Variants in SUV39H2 observed in about 807,000 individuals in gnomAD.
SUV39H2 encodes histone-lysine N-methyltransferase SUV39H2.
A neutral mutation model predicts 47.5 loss-of-function variants in SUV39H2; 10 were observed. The ratio of observed to expected loss-of-function variants is 0.21; its 90% CI spans 0.13 to 0.36. The LOEUF (loss-of-function observed/expected upper bound fraction) is 0.36, where lower values mean the gene tolerates loss of function less well. Among genes scored for constraint, SUV39H2 ranks in the 10% least tolerant of loss-of-function variants. SUV39H2 has a pLI of 1.00. For missense variants in SUV39H2, 266 were observed against 487.4 expected (o/e 0.55, Z 4.28); for synonymous variants, 159 against 166.8 (o/e 0.95, Z 0.36).
At chr10:14,881,077 A>G (rs543537177) in intron 1 of SUV39H2, among the ~76,000 whole-genome samples, 107 of 152,356 alleles carry the variant, frequency 7.0e-4, no homozygotes, top group Middle Eastern at 3.4e-3. Flanking sequence ...GTTTTAAAGT[A>G]TATTTTAGAT....
At chr10:14,879,449 C>G (rs990204249) in intron 1 of SUV39H2, among the ~76,000 whole-genome samples, 1 of 152,354 alleles carries the variant, frequency 6.6e-6, no homozygotes, top group Admixed American at 6.5e-5. Flanking sequence ...GAATCCCCCC[C>G]AAGGCGGACA....
Position 14,883,489 on chromosome 10 carries a change from G to A in SUV39H2, c.177+1844G>A, listed in dbSNP as rs544878639. On this transcript the variant is annotated intron_variant, in intron 2 of 5. Coordinates refer to ENST00000354919, the MANE Select transcript of SUV39H2 (RefSeq NM_001193424.2). ...GGGGGCCAAGGCGGGCAGATCACTCGAGGTCAGGAGTTTGAGACCAGCCTG... is the reference window on the plus strand; with the variant it reads ...GGGGGCCAAGGCGGGCAGATCACTCAAGGTCAGGAGTTTGAGACCAGCCTG... Among the ~76,000 whole-genome samples the A allele has an allele frequency of 1.4e-4, 21 of 151,874 alleles. No homozygotes were observed. In the South Asian group the frequency reaches 1.5e-3, roughly 11 times the overall value.
At chr10:14,901,378 G>A in intron 5 of SUV39H2, 116 bp downstream of exon 5, 1 of 1,387,952 alleles carries the variant, frequency 7.2e-7, no homozygotes. Flanking sequence ...GAAAAGTTGA[G>A]GCACTAAGTT....
intron 2 of SUV39H2, among the ~76,000 whole-genome samples, chr10:14,894,874 A>G (rs1221131570): frequency 6.6e-6 from 1 of 152,202 alleles, no homozygotes; most frequent in East Asian, 1.9e-4. Context: ...TCATTAATGC[A>G]TTATGACTGT....
intron 2 of SUV39H2, among the ~76,000 whole-genome samples, chr10:14,885,753 CTTCTCT>C (rs376759461): frequency 2.0e-4 from 31 of 152,266 alleles, no homozygotes; most frequent in African/African-American, 6.7e-4. Flanking sequence ...TGCCTTTTTT[CTTCTCT>C]TTCTCTTTCT....
chr10:14,889,192 G>A (rs1833308369), intron 2 of SUV39H2, among the ~76,000 whole-genome samples: 1 of 152,056 alleles, frequency 6.6e-6, no homozygotes, highest in African/African-American at 2.4e-5. Context: ...TCAAGAAAAC[G>A]AGAGGGCTAC....
chr10:14,879,609 C>G (rs1221366626), intron 1 of SUV39H2, among the ~76,000 whole-genome samples: 4 of 151,868 alleles, frequency 2.6e-5, no homozygotes, highest in Non-Finnish European at 5.9e-5. Context: ...GAACTGGGCA[C>G]CGAGCGCGCG....
chr10:14,895,345 T>C (rs1833535511), intron 2 of SUV39H2, among the ~76,000 whole-genome samples: 1 of 151,910 alleles, frequency 6.6e-6, no homozygotes, highest in Non-Finnish European at 1.5e-5. Flanking sequence ...CCCGGCTAAT[T>C]TTTTGTATTT....
At position 14,878,939 on chromosome 10, in the gene SUV39H2, C is replaced by T. The variant is rs1832953795; in HGVS notation, c.31+20C>T. 2 of 1,452,338 alleles carry T rather than the reference C, an allele frequency of 1.4e-6. No homozygotes were observed. Among genetic ancestry groups the T allele is most frequent in the Admixed American group, 2.7e-5 (1 of 37,240 alleles). The allele number at this position is 1,452,338 out of a possible 1,614,324, so 90.0% of individuals were successfully genotyped here. On this transcript the variant is annotated intron_variant, in intron 1 of 5. Transcript: ENST00000354919. ...GAGGAGGTGAGGCTGGAGCGCGGCCCCCTCGCCTTCCCTGTTCCCAGGCAA... is the reference window on the plus strand; with the variant it reads ...GAGGAGGTGAGGCTGGAGCGCGGCCTCCTCGCCTTCCCTGTTCCCAGGCAA...
chr10:14,882,586 T>A (rs1833071676), intron 2 of SUV39H2, among the ~76,000 whole-genome samples: 1 of 152,192 alleles, frequency 6.6e-6, no homozygotes, highest in South Asian at 2.1e-4. Context: ...CCATTATAAC[T>A]TATTTCTGTT....
intron 1 of SUV39H2, 172 bp downstream of exon 1, chr10:14,879,091 G>T: frequency 7.8e-7 from 1 of 1,278,326 alleles, no homozygotes; most frequent in Middle Eastern, 3.0e-4. Context: ...CCAGGCCGCT[G>T]ACCCGCCTCC....
chr10:14,899,792 C>G, intron 4 of SUV39H2, 107 bp downstream of exon 4: 1 of 1,310,050 alleles, frequency 7.6e-7, no homozygotes, highest in Non-Finnish European at 1.0e-6. Context: ...TTTAACATTT[C>G]CAAAATATGT....
intron 1 of SUV39H2, among the ~76,000 whole-genome samples, chr10:14,881,282 G>A (rs981842551): frequency 6.6e-6 from 1 of 152,174 alleles, no homozygotes; most frequent in African/African-American, 2.4e-5. Flanking sequence ...AAACGTAGTG[G>A]AATAGAAATC....
rs1327963357 is a variant in SUV39H2, at chr10:14,894,493, G to A, written c.178-2353G>A. On this transcript the variant is annotated intron_variant, in intron 2 of 5. Coordinates refer to ENST00000354919, the MANE Select transcript of SUV39H2 (RefSeq NM_001193424.2). ...CGCCATTCTCCTGCCTCAGCCTCCC[G>A]TGTAGCTGGGACTACAGGCGCCCGC... Among the ~76,000 whole-genome samples, 9 of 105,204 alleles carry A rather than the reference G, an allele frequency of 8.6e-5. 1 individual carries two copies. The highest frequency in any genetic ancestry group is 1.2e-4 in the Non-Finnish European group (7 of 57,984). The allele number at this position is 105,204 out of a possible 152,430, so 69.0% of individuals were successfully genotyped here. A position where few individuals can be genotyped will look rare whatever the true frequency, so the allele number is the denominator to read the frequency against.
Position 14,902,433 on chromosome 10 carries a change from T to C in SUV39H2, c.1154T>C (p.Ile385Thr), listed in dbSNP as rs747652008. ...TCTGGAGATATATCTTCAGATTCTA[T>C]TGACCACAGCCCAGCCAAAAAGAGG... ...KGSGDISSDS[I>T]DHSPAKKRVR... The change falls in exon 6 of 6, where the codon ATT becomes ACT. Residue 385 changes from isoleucine to threonine, a missense_variant. By Grantham distance (89) the Ile-to-Thr change is moderately conservative. This residue lies in a region of SUV39H2 where 112 missense variants were observed against 271.9 expected (regional missense o/e 0.41). Coordinates refer to ENST00000354919, the MANE Select transcript of SUV39H2 (RefSeq NM_001193424.2). The C allele has an allele frequency of 3.3e-5, 53 of 1,611,072 alleles. No individual in the cohort carries two copies. The South Asian group carries it at 5.2e-4, about 16-fold the overall frequency.
At chr10:14,883,510 G>T (rs532975849) in intron 2 of SUV39H2, among the ~76,000 whole-genome samples, 1 of 151,492 alleles carries the variant, frequency 6.6e-6, no homozygotes, top group Non-Finnish European at 1.5e-5. Flanking sequence ...TTTGAGACCA[G>T]CCTGGCCAAC....
intron 2 of SUV39H2, among the ~76,000 whole-genome samples, chr10:14,884,651 G>A (rs966197498): frequency 3.9e-5 from 6 of 152,012 alleles, no homozygotes; most frequent in African/African-American, 1.5e-4. Context: ...ATTCTGACTT[G>A]TGCCCCTCAG....
At chr10:14,885,056 C>A (rs1054093217) in intron 2 of SUV39H2, among the ~76,000 whole-genome samples, 1 of 152,134 alleles carries the variant, frequency 6.6e-6, no homozygotes, top group Non-Finnish European at 1.5e-5. Context: ...TTTACTATCT[C>A]TTATCTCTCC....
chr10:14,901,806 C>G (rs1287921688), intron 5 of SUV39H2, among the ~76,000 whole-genome samples: 1 of 151,498 alleles, frequency 6.6e-6, no homozygotes, highest in Non-Finnish European at 1.5e-5. Flanking sequence ...GCACTCCAGC[C>G]TGGACGACAG....
Sources: gnomAD v4.1 joint callset for allele counts (sites outside exome capture counted in the v4.1 genomes callset) on GRCh38, gnomAD v4.1.1 for gene constraint, gnomAD v4.1.1 regional missense constraint, MANE v1.5 for transcripts, NCBI Gene and HGNC (gene_info 2026-07-23, HGNC 2026-07-21) for gene names.